ZAN: variants seen among roughly 807,000 people sequenced by gnomAD.
ZAN encodes zonadhesin, also known as zonadhesin (gene/pseudogene).
Under a neutral mutation model 286.2 loss-of-function variants are expected in ZAN, and 260 were observed. That is an observed-to-expected ratio of 0.91 (90% confidence interval 0.82 to 1.01). ZAN has a LOEUF of 1.01. Ranked by LOEUF, ZAN falls within the 50% of genes least tolerant of loss-of-function variation. ZAN has a pLI of 0.00. For missense variants in ZAN, 3,410 were observed against 3,639.2 expected, an observed-to-expected ratio of 0.94 and a Z score of 1.62; for synonymous variants, 1,368 against 1,417.5, an observed-to-expected ratio of 0.97 and a Z score of 0.79.
rs1212255359 is a variant in ZAN at position 100,746,657 on chromosome 7, G to T, written c.886G>T (p.Gly296Cys). 1 of 1,613,892 alleles carries T rather than the reference G, an allele frequency of 6.2e-7. No homozygotes were observed. ...CTTTTCCTTCCACTACATCCTCCGGGGCCAGTCTCCTGGTGCAGCCCTCCA... is the reference window on the plus strand; with the variant it reads ...CTTTTCCTTCCACTACATCCTCCGGTGCCAGTCTCCTGGTGCAGCCCTCCA... ...LSFSFHYILR[G>C]QSPGAALHIY... Residue 296 changes from glycine to cysteine, a missense_variant, in exon 8 of 48, where the codon GGC (glycine) becomes TGC (cysteine). Transcript: ENST00000613979.
At position 100,788,013 on chromosome 7, in the gene ZAN, G is replaced by GGA; in HGVS notation, c.7106_7107dup (p.Pro2370SerfsTer23). ...CTGTGGACGTACTGCCTGAGGGGGTGGAGCCCCTCCTCGTGGAAGGACGCA... is the reference window on the plus strand; with the variant it reads ...CTGTGGACGTACTGCCTGAGGGGGTGGAGAGCCCCTCCTCGTGGAAGGACGCA... On this transcript the variant is annotated frameshift_variant, in exon 38 of 48. Coordinates refer to ENST00000613979, the MANE Select transcript of ZAN (RefSeq NM_003386.3). LOFTEE classifies it high-confidence loss of function. 6.4e-7 allele frequency: 1 copy of GGA among 1,570,230 alleles called. No homozygotes were observed. Among genetic ancestry groups the GGA allele is most frequent in the South Asian group, 1.2e-5 (1 of 85,802 alleles).
At chr7:100,736,745 G>C in intron 4 of ZAN, 64 bp from the exon 5 acceptor site, 1 of 1,458,162 alleles carries the variant, frequency 6.9e-7, no homozygotes, top group South Asian at 1.2e-5. Context: ...TCTGAGAAGG[G>C]GATGGGTGGG....
In ZAN at chr7:100,789,255, A is replaced by G. The variant is rs368216838; in HGVS notation, c.7265A>G (p.Asn2422Ser). The stretch of plus-strand genomic sequence containing the variant: ...AAGATGGCCGTCCCCTACAGGCCAA[A>G]TGAACACCTGCGGGTCACCCTGTGG... Reference protein sequence around the residue: ...NQKMAVPYRPNEHLRVTLWGQ... With the variant: ...NQKMAVPYRPSEHLRVTLWGQ... The change falls in exon 39 of 48, where the codon AAT becomes AGT. Residue 2422 changes from asparagine to serine, a missense_variant. Around this residue, in one of 7 missense-constraint regions of ZAN, gnomAD observed 1,289 missense variants for 1,314.3 expected, o/e 0.98. Coordinates refer to ENST00000613979, the MANE Select transcript of ZAN (RefSeq NM_003386.3). 83 of 1,613,798 alleles carry G rather than the reference A, an allele frequency of 5.1e-5. No individual in the cohort carries two copies. Among genetic ancestry groups the G allele is most frequent in the Middle Eastern group, 1.6e-4 (1 of 6,078 alleles).
At chr7:100,796,751 T>G (rs980906733) in intron 45 of ZAN, among the ~76,000 whole-genome samples, 1 of 152,108 alleles carries the variant, frequency 6.6e-6, no homozygotes, top group Non-Finnish European at 1.5e-5. Flanking sequence ...CAGGAAACTA[T>G]GGAAGTGACT....
rs746543240 is a variant in ZAN, at chr7:100,737,382, G to A, written c.613+33G>A. 43 of 1,338,342 alleles carry A rather than the reference G, an allele frequency of 3.2e-5. 7 individuals are homozygous for A. The South Asian group carries it at 4.2e-4, about 13-fold the overall frequency. The allele number at this position is 1,338,342 out of a possible 1,614,324, so 82.9% of individuals were successfully genotyped here. On this transcript the variant is annotated intron_variant, in intron 6 of 47. Transcript: ENST00000613979. ...CCTGTCCCTCCTCCCGCCTGCCCTCGGACCCTTTTCTCTCCGTCCTTGCAC... is the reference window on the plus strand; with the variant it reads ...CCTGTCCCTCCTCCCGCCTGCCCTCAGACCCTTTTCTCTCCGTCCTTGCAC...
At position 100,755,415 on chromosome 7, in the gene ZAN, G is replaced by A. The variant is rs751358304; in HGVS notation, c.3309+5G>A. 14 of 1,611,842 alleles carry A rather than the reference G, an allele frequency of 8.7e-6. No homozygotes were observed. The highest frequency in any genetic ancestry group is 1.3e-5 in the African/African-American group (1 of 74,814). ...TACAACAACGACTACTATGAGGTAA[G>A]CCCCCCGGGATGCTGGGGTCCCATG... On this transcript the variant is annotated splice_donor_5th_base_variant and intron_variant, in intron 15 of 47. Transcript: ENST00000613979.
intron 44 of ZAN, among the ~76,000 whole-genome samples, chr7:100,794,462 C>T (rs1407033924): frequency 6.6e-6 from 1 of 152,184 alleles, no homozygotes. Flanking sequence ...AGCGTTCCTT[C>T]CCATGATCTC....
intron 15 of ZAN, 93 bp downstream of exon 15, chr7:100,755,503 G>T: frequency 7.0e-7 from 1 of 1,429,604 alleles, no homozygotes. Context: ...GAAGGCAACA[G>T]GGATCACCGG....
At chr7:100,777,863 A>G (rs1321155603) in intron 34 of ZAN, among the ~76,000 whole-genome samples, 2 of 151,204 alleles carry the variant, frequency 1.3e-5, no homozygotes, top group Admixed American at 6.6e-5. Flanking sequence ...AAGTGCTGGG[A>G]TTACAGGCCA....
rs370638690 is a variant in ZAN at position 100,767,168 on chromosome 7, G to A, written c.4771G>A (p.Gly1591Arg). The A allele has an allele frequency of 2.1e-5, 34 of 1,613,500 alleles. No homozygotes were observed. Among genetic ancestry groups the A allele is most frequent in the Non-Finnish European group, 2.9e-5 (34 of 1,179,842 alleles). Residue 1591 changes from glycine (G) to arginine (R), a missense_variant, in exon 25 of 48, where the codon GGG (glycine) becomes AGG (arginine). Physicochemically the swap from Gly to Arg is moderately radical, Grantham distance 125 (BLOSUM62 -2). Around this residue, in one of 7 missense-constraint regions of ZAN, gnomAD observed 1,042 missense variants for 1,058.0 expected, o/e 0.98. Coordinates refer to ENST00000613979, the MANE Select transcript of ZAN (RefSeq NM_003386.3). The part of the protein sequence containing the change: ...FVVSATNENR[G>R]GILEVSYIKA... ...TGTGAGCGCCACCAACGAGAACCGCGGGGGGATCCTGGAGGTCTCCTACAT... is the reference window on the plus strand; with the variant it reads ...TGTGAGCGCCACCAACGAGAACCGCAGGGGGATCCTGGAGGTCTCCTACAT...
chr7:100,742,244 G>A (rs2115676838), intron 7 of ZAN, among the ~76,000 whole-genome samples: 1 of 118,642 alleles, frequency 8.4e-6, no homozygotes, highest in East Asian at 2.3e-4. Context: ...GTGGGGCAGA[G>A]GTGCTCCCCA....
intron 23 of ZAN, 64 bp downstream of exon 23, chr7:100,765,618 C>A: frequency 6.7e-7 from 1 of 1,483,108 alleles, no homozygotes; most frequent in South Asian, 1.3e-5. Flanking sequence ...GCTCTCACAC[C>A]CCCTGCAAGC....
intron 35 of ZAN, among the ~76,000 whole-genome samples, chr7:100,783,870 G>GAGGC (rs1811387926): frequency 7.1e-6 from 1 of 140,112 alleles, no homozygotes; most frequent in Non-Finnish European, 1.5e-5. Flanking sequence ...TACATTCACT[G>GAGGC]AGGCAGAACT....
Position 100,740,406 on chromosome 7 carries a change from T to C in ZAN, c.766+1793T>C. 2.2e-5 allele frequency among the ~76,000 whole-genome samples: 2 copies of C among 92,090 alleles called. 1 individual carries two copies. The allele number at this position is 92,090 out of a possible 152,430, so 60.4% of individuals were successfully genotyped here. ...GAGGGAAGGTCAGCAGATAAACAAG[T>C]GAACAAAGGTCTCTGGTTTTCCTAG... On this transcript the variant is annotated intron_variant, in intron 7 of 47. Coordinates refer to ENST00000613979, the MANE Select transcript of ZAN (RefSeq NM_003386.3).
chr7:100,764,993 C>A (rs1809855180), intron 22 of ZAN, among the ~76,000 whole-genome samples: 1 of 152,166 alleles, frequency 6.6e-6, no homozygotes, highest in African/African-American at 2.4e-5. Context: ...TGGCCCAGCT[C>A]TTTGGGGAAG....
intron 20 of ZAN, among the ~76,000 whole-genome samples, 154 bp downstream of exon 20, chr7:100,762,512 G>A (rs763052119): frequency 6.7e-5 from 9 of 135,252 alleles, no homozygotes; most frequent in Non-Finnish European, 1.4e-4. Context: ...TGCAACCTCC[G>A]CCTCCCAGGC....
chr7:100,771,445 T>C (rs1810361902), intron 28 of ZAN, among the ~76,000 whole-genome samples: 1 of 151,720 alleles, frequency 6.6e-6, no homozygotes. Context: ...TTGTTTTTTT[T>C]TTTTGAGACG....
chr7:100,787,520 G>T lies in ZAN; in HGVS notation c.6980-369G>T, dbSNP rs550525677. On this transcript the variant is annotated intron_variant, in intron 37 of 47. Transcript: ENST00000613979. ...GCCACCGTGGGGGAGGGACTCTGGG[G>T]ACTGTCACACCTGGGCAGGGTCCCT... Among the ~76,000 whole-genome samples the T allele has an allele frequency of 2.0e-3, 307 of 152,256 alleles. 2 individuals carry two copies. The highest frequency in any genetic ancestry group is 7.1e-3 in the African/African-American group (296 of 41,566).
intron 10 of ZAN, 27 bp downstream of exon 10, chr7:100,748,242 A>C: frequency 6.2e-7 from 1 of 1,613,720 alleles, no homozygotes; most frequent in Non-Finnish European, 8.5e-7. Context: ...AGAGGCCCGG[A>C]TCTCTCAGAA....
Sources: gnomAD v4.1 joint callset for allele counts (sites outside exome capture counted in the v4.1 genomes callset) on GRCh38, gnomAD v4.1.1 for gene constraint, gnomAD v4.1.1 regional missense constraint, MANE v1.5 for transcripts, NCBI Gene and HGNC (gene_info 2026-07-23, HGNC 2026-07-21) for gene names.